Variants in WDR36 observed in about 807,000 individuals in gnomAD.
WDR36 encodes WD repeat-containing protein 36.
WDR36 carries 63 observed loss-of-function variants against 112.7 expected under a neutral mutation model. That is an observed-to-expected ratio of 0.56 (90% CI 0.46 to 0.69). The LOEUF (loss-of-function observed/expected upper bound fraction) is 0.69, where lower values mean the gene tolerates loss of function less well. Among genes scored for constraint, WDR36 ranks in the 30% least tolerant of loss-of-function variants. The pLI, the probability that WDR36 is intolerant of heterozygous loss-of-function variation, is 0.00. For missense variants in WDR36, 1,226 were observed against 1,070.3 expected (o/e 1.15, Z -2.03); for synonymous variants, 410 against 362.2 (o/e 1.13, Z -1.50).
In WDR36 at chr5:111,092,464, G is replaced by T. The variant is rs765603613; in HGVS notation, c.8G>T (p.Arg3Leu). The T allele has an allele frequency of 2.2e-5, 35 of 1,614,236 alleles. 1 individual carries two copies. The South Asian group carries it at 3.8e-4, about 18-fold the overall frequency. ...GCTGGGATCGCGGCGGCAATGGAAC[G>T]GGCCTCAGAAAGGCGCACGGCCAGC... ME[R>L]ASERRTASAL... is the part of the protein sequence containing the mutation. The change falls in exon 1 of 23, where the codon CGG (arginine) becomes CTG (leucine). Residue 3 changes from arginine (R) to leucine (L), a missense_variant. By Grantham distance (102) the Arg-to-Leu change is moderately radical (BLOSUM62 -2). Transcript: ENST00000513710.
rs755934106 is a variant in WDR36, at chr5:111,111,155, C to T, written c.1608-15C>T. 16 of 1,607,356 alleles carry T rather than the reference C, an allele frequency of 1.0e-5. No individual in the cohort carries two copies. The East Asian group carries it at 2.2e-4, about 22-fold the overall frequency. On this transcript the variant is annotated splice_polypyrimidine_tract_variant and intron_variant, in intron 14 of 22. Transcript: ENST00000513710. The stretch of plus-strand genomic sequence containing the variant: ...GGTTTTTTGTTTATTAAAACTGGTG[C>T]ATTTATCTTGCTAGTGGCATTCTGG...
chr5:111,128,618 A>G lies in WDR36; in HGVS notation c.*1735A>G, dbSNP rs886059774. 1 of 181,334 alleles carries G rather than the reference A, an allele frequency of 5.5e-6. No individual in the cohort carries two copies. The highest frequency in any genetic ancestry group is 1.2e-5 in the Non-Finnish European group (1 of 84,860). The allele number at this position is 181,334 out of a possible 1,614,324, so 11.2% of individuals were successfully genotyped here. On this transcript the variant is annotated 3_prime_UTR_variant, in exon 23 of 23. Coordinates refer to ENST00000513710, the MANE Select transcript of WDR36 (RefSeq NM_139281.3). ...TGAAATTGTATTGCTTACAGAAATC[A>G]TGAACCGAATTTTCTTCTCTTTTTA...
rs201288071 is a variant in WDR36 at position 111,121,057 on chromosome 5, A to T, written c.2064A>T (p.Pro688=). 6.2e-7 allele frequency: 1 copy of T among 1,613,656 alleles called. No homozygotes were observed. Among genetic ancestry groups the T allele is most frequent in the Non-Finnish European group, 8.5e-7 (1 of 1,179,654 alleles). ...PSDELIEYDS[P]EQLNEQLVTL... is the part of the protein sequence containing the mutation. The stretch of plus-strand genomic sequence containing the variant: ...ATGAATTGATAGAATATGATTCGCC[A>T]GAACAGTTGAATGAGCAATTGGTGA... The change falls in exon 19 of 23, where the codon CCA becomes CCT. Residue 688 remains proline (P), a synonymous_variant. Transcript: ENST00000513710.
chr5:111,122,752 A>T (rs992269431), intron 19 of WDR36, among the ~76,000 whole-genome samples: 6 of 152,182 alleles, frequency 3.9e-5, no homozygotes, highest in African/African-American at 1.4e-4. Flanking sequence ...TAAAGAATGG[A>T]AGAATAATGT....
Position 111,121,070 on chromosome 5 carries a change from G to A in WDR36, c.2077G>A (p.Glu693Lys), listed in dbSNP as rs1384190677. The A allele has an allele frequency of 6.2e-7, 1 of 1,613,560 alleles. No homozygotes were observed. Among genetic ancestry groups the A allele is most frequent in the South Asian group, 1.1e-5 (1 of 91,068 alleles). Residue 693 changes from glutamate to lysine, a missense_variant, in exon 19 of 23, where the codon GAG becomes AAG. Coordinates refer to ENST00000513710, the MANE Select transcript of WDR36 (RefSeq NM_139281.3). ...IEYDSPEQLN[E>K]QLVTLSLLPE... ...ATATGATTCGCCAGAACAGTTGAAT[G>A]AGCAATTGGTGACTCTTTCACTTCT...
At chr5:111,123,723 T>C in intron 19 of WDR36, 82 bp from the exon 20 acceptor site, 1 of 1,553,170 alleles carries the variant, frequency 6.4e-7, no homozygotes, top group Non-Finnish European at 8.8e-7. Context: ...TTGGTATTTG[T>C]TTTAAAATTG....
At chr5:111,111,312 A>G (rs1753334982) in intron 15 of WDR36, 34 bp downstream of exon 15, 1 of 1,558,390 alleles carries the variant, frequency 6.4e-7, no homozygotes, top group Non-Finnish European at 8.8e-7. Context: ...AACTTGACTC[A>G]TTTCTACTTT....
intron 17 of WDR36, among the ~76,000 whole-genome samples, chr5:111,119,683 T>C (rs7732974): frequency 0.52 from 79,146 of 151,802 alleles, 21,359 homozygotes; most frequent in South Asian, 0.68. Context: ...TAACTTTATA[T>C]CTGTATTGGG....
chr5:111,106,042 T>A lies in WDR36; in HGVS notation c.1094-15T>A. The stretch of plus-strand genomic sequence containing the variant: ...GATTCATAGCTATGTATGTTCCCCT[T>A]TCCCCCATCCTTAGGATTAATAAAT... On this transcript the variant is annotated splice_polypyrimidine_tract_variant and intron_variant, in intron 10 of 22. Coordinates refer to ENST00000513710, the MANE Select transcript of WDR36 (RefSeq NM_139281.3). 6.3e-7 allele frequency: 1 copy of A among 1,591,274 alleles called. No individual in the cohort carries two copies. Among genetic ancestry groups the A allele is most frequent in the Non-Finnish European group, 8.6e-7 (1 of 1,160,328 alleles).
At chr5:111,123,996 A>C in intron 20 of WDR36, 72 bp downstream of exon 20, 1 of 1,608,036 alleles carries the variant, frequency 6.2e-7, no homozygotes, top group Admixed American at 1.7e-5. Flanking sequence ...TTCTTTACCA[A>C]GACCTAGTTT....
chr5:111,108,815 A>C (rs1753269344), intron 12 of WDR36, among the ~76,000 whole-genome samples: 1 of 151,324 alleles, frequency 6.6e-6, no homozygotes, highest in African/African-American at 2.4e-5. Flanking sequence ...AAGACAATTC[A>C]TTCTAGAATC....
In WDR36 at chr5:111,127,072, A is replaced by T. The variant is rs1753690991; in HGVS notation, c.*189A>T. 1 of 541,748 alleles carries T rather than the reference A, an allele frequency of 1.8e-6. No individual in the cohort carries two copies. Among genetic ancestry groups the T allele is most frequent in the East Asian group, 3.3e-5 (1 of 29,922 alleles). 33.6% of individuals were successfully genotyped at this position (541,748 alleles called of 1,614,324 possible). ...CACCTCCCGGCCAGGCATGATGGAT[A>T]ATGCCTGTAATTCCAGCACTTTCAG... is the stretch of plus-strand genomic sequence containing the variant. On this transcript the variant is annotated 3_prime_UTR_variant, in exon 23 of 23. Coordinates refer to ENST00000513710, the MANE Select transcript of WDR36 (RefSeq NM_139281.3).
In WDR36 at chr5:111,102,379, G is replaced by A. The variant is rs1413147317; in HGVS notation, c.577G>A (p.Gly193Arg). 6.2e-7 allele frequency: 1 copy of A among 1,610,200 alleles called. No homozygotes were observed. Among genetic ancestry groups the A allele is most frequent in the Admixed American group, 1.7e-5 (1 of 59,690 alleles). Residue 193 changes from glycine (G) to arginine (R), a missense_variant, in exon 6 of 23, where the codon GGA (glycine) becomes AGA (arginine). By Grantham distance (125) the Gly-to-Arg change is moderately radical. Coordinates refer to ENST00000513710, the MANE Select transcript of WDR36 (RefSeq NM_139281.3). ...ATATACATTTCCAGGATGGAAAGTT[G>A]GAGTGACAGCTCTTCAGCAGGTTAG... ...LLYTFPGWKV[G>R]VTALQQAPAV... is the part of the protein sequence containing the mutation.
chr5:111,104,963 G>A (rs1251859137), intron 9 of WDR36, 146 bp downstream of exon 9: 2 of 1,226,392 alleles, frequency 1.6e-6, no homozygotes, highest in Non-Finnish European at 2.3e-6. Flanking sequence ...AGTCCTTTTT[G>A]TCTACTTGAG....
chr5:111,104,151 C>T, intron 7 of WDR36, 26 bp from the exon 8 acceptor site: 1 of 1,591,298 alleles, frequency 6.3e-7, no homozygotes, highest in Non-Finnish European at 8.6e-7. Flanking sequence ...AAGTATTTTT[C>T]TTAATGTATT....
At chr5:111,125,999 T>G (rs937931205) in intron 22 of WDR36, among the ~76,000 whole-genome samples, 3 of 152,150 alleles carry the variant, frequency 2.0e-5, no homozygotes, top group Non-Finnish European at 2.9e-5. Flanking sequence ...TTTTAATTAA[T>G]TTAAATTTAA....
rs200841659 is a variant in WDR36, at chr5:111,098,854, A to C, written c.409+15A>C. The C allele has an allele frequency of 1.1e-4, 163 of 1,493,498 alleles. No individual in the cohort carries two copies. Among genetic ancestry groups the C allele is most frequent in the Non-Finnish European group, 1.5e-4 (158 of 1,070,544 alleles). The allele number at this position is 1,493,498 out of a possible 1,614,324, so 92.5% of individuals were successfully genotyped here. ...ATATTCAGAAGGTAAGAGTTAACTC[A>C]TTTATTTGCTTTATCTTAGGGTAGT... is the stretch of plus-strand genomic sequence containing the variant. On this transcript the variant is annotated intron_variant, in intron 4 of 22. Transcript: ENST00000513710.
intron 11 of WDR36, among the ~76,000 whole-genome samples, 188 bp downstream of exon 11, chr5:111,106,331 C>G (rs1753221281): frequency 6.6e-6 from 1 of 151,490 alleles, no homozygotes. Flanking sequence ...AACTTCTTAT[C>G]TATTAACATC....
At chr5:111,124,678 C>T (rs903235873) in intron 21 of WDR36, among the ~76,000 whole-genome samples, 2 of 152,128 alleles carry the variant, frequency 1.3e-5, no homozygotes, top group Admixed American at 1.3e-4. Flanking sequence ...AGGCTACAGT[C>T]TGTAGCTAAT....
Sources: gnomAD v4.1 joint callset for allele counts (sites outside exome capture counted in the v4.1 genomes callset) on GRCh38, gnomAD v4.1.1 for gene constraint, MANE v1.5 for transcripts, NCBI Gene and HGNC (gene_info 2026-07-23, HGNC 2026-07-21) for gene names.